The following ZNF217 variants were observed in gnomAD, a reference collection of about 807,000 sequenced individuals.
The protein encoded by ZNF217 is zinc finger protein 217.
ZNF217 carries 12 observed loss-of-function variants against 73.3 expected under a neutral mutation model. That is an observed-to-expected ratio of 0.16 (90% CI 0.10 to 0.27). The LOEUF is 0.27. Ranked by LOEUF, ZNF217 falls within the 10% of genes least tolerant of loss-of-function variation. ZNF217 has a pLI of 1.00. For synonymous variants in ZNF217, 588 were observed against 516.4 expected (o/e 1.14, Z -1.88); for missense variants, 1,195 against 1,327.8 (o/e 0.90, Z 1.55).
chr20:53,589,044 T>C (rs1988795353), intron 1 of ZNF217, among the ~76,000 whole-genome samples: 1 of 152,242 alleles, frequency 6.6e-6, no homozygotes, highest in Non-Finnish European at 1.5e-5. Context: ...CTCCTAACGC[T>C]GATTCAAGAA....
At position 53,577,045 on chromosome 20, in the gene ZNF217, T is replaced by G. The variant is rs1257521424; in HGVS notation, c.1719A>C (p.Ala573=). 2 of 1,614,138 alleles carry G rather than the reference T, an allele frequency of 1.2e-6. No homozygotes were observed. Among genetic ancestry groups the G allele is most frequent in the African/African-American group, 2.7e-5 (2 of 74,948 alleles). ...CAGAAGGCATCTCCTTAAGCTGCTTTGCAGGTGGACTGCCTGTAACATCTT... is the reference window on the plus strand; with the variant it reads ...CAGAAGGCATCTCCTTAAGCTGCTTGGCAGGTGGACTGCCTGTAACATCTT... The part of the protein sequence containing the change: ...GAKDVTGSPP[A]KQLKEMPSVF... The change falls in exon 4 of 6, where the codon GCA becomes GCC. Residue 573 remains alanine (A), a synonymous_variant. Coordinates refer to ENST00000371471, the MANE Select transcript of ZNF217 (RefSeq NM_006526.3).
upstream of ZNF217, among the ~76,000 whole-genome samples, chr20:53,597,097 G>A (rs73141999): frequency 0.016 from 1,618 of 101,656 alleles, 6 homozygotes; most frequent in Middle Eastern, 0.03. Flanking sequence ...AAAAAAAAAA[G>A]AAAAAAAAAA....
chr20:53,594,926 T>C (rs1383287282), upstream of ZNF217, among the ~76,000 whole-genome samples: 1 of 151,796 alleles, frequency 6.6e-6, no homozygotes, highest in Non-Finnish European at 1.5e-5. Flanking sequence ...TTTTTTTTTT[T>C]CTGAAAGGGC....
intron 1 of ZNF217, 89 bp downstream of exon 1, chr20:53,593,667 G>C (rs1370900206): frequency 6.6e-6 from 1 of 151,282 alleles, no homozygotes; most frequent in Non-Finnish European, 1.5e-5. Context: ...AAGACAACGA[G>C]AGCCGGGCGC....
chr20:53,586,725 G>A (rs1371896189), intron 1 of ZNF217, among the ~76,000 whole-genome samples: 3 of 152,196 alleles, frequency 2.0e-5, no homozygotes, highest in Admixed American at 6.5e-5. Flanking sequence ...ACAGAATACA[G>A]CAAAATAGAA....
chr20:53,588,833 T>G (rs1988789351), intron 1 of ZNF217, among the ~76,000 whole-genome samples: 1 of 152,200 alleles, frequency 6.6e-6, no homozygotes, highest in African/African-American at 2.4e-5. Flanking sequence ...AAGTTGTATA[T>G]CTGGCTCTTT....
Position 53,577,050 on chromosome 20 carries a change from G to A in ZNF217, c.1714C>T (p.Pro572Ser), listed in dbSNP as rs773385762. The A allele has an allele frequency of 6.2e-7, 1 of 1,614,212 alleles. No individual in the cohort carries two copies. The highest frequency in any genetic ancestry group is 1.3e-5 in the African/African-American group (1 of 75,068). ...DGAKDVTGSP[P>S]AKQLKEMPSV... ...GGCATCTCCTTAAGCTGCTTTGCAG[G>A]TGGACTGCCTGTAACATCTTTGGCA... is the stretch of plus-strand genomic sequence containing the variant. Residue 572 changes from proline to serine, a missense_variant, in exon 4 of 6, where the codon CCT (proline) becomes TCT (serine). Transcript: ENST00000371471.
chr20:53,588,583 C>T (rs1008354003), intron 1 of ZNF217, among the ~76,000 whole-genome samples: 2 of 130,902 alleles, frequency 1.5e-5, no homozygotes, highest in Non-Finnish European at 3.2e-5. Flanking sequence ...CGTGTGTATA[C>T]ACACATCTAT....
chr20:53,576,823 A>T lies in ZNF217; in HGVS notation c.1941T>A (p.Val647=), dbSNP rs138465815. The T allele has an allele frequency of 3.7e-6, 6 of 1,614,180 alleles. No homozygotes were observed. In the Admixed American group the frequency reaches 1.0e-4, roughly 27 times the overall value. ...NNLICRTKAD[V]TPPPDGSTTH... The stretch of plus-strand genomic sequence containing the variant: ...TGGTACTGCCATCCGGAGGAGGAGT[A>T]ACATCCGCCTTGGTTCTACAGATGA... The change falls in exon 4 of 6, where the codon GTT becomes GTA. Residue 647 remains valine (V), a synonymous_variant. Coordinates refer to ENST00000371471, the MANE Select transcript of ZNF217 (RefSeq NM_006526.3).
rs1988224216 is a variant in ZNF217, at chr20:53,575,648, C to T, written c.3037+79G>A. The T allele has an allele frequency of 4.4e-6, 6 of 1,371,518 alleles. 1 individual carries two copies. Among genetic ancestry groups the T allele is most frequent in the Non-Finnish European group, 5.8e-6 (6 of 1,032,518 alleles). The allele number at this position is 1,371,518 out of a possible 1,614,324, so 85.0% of individuals were successfully genotyped here. A position where few individuals can be genotyped will look rare whatever the true frequency, so the allele number is the denominator to read the frequency against. ...CTACCCCCCACCCTTGGGAGTGGTA[C>T]CATCTCCACTGAGAATGCCTGGATT... On this transcript the variant is annotated intron_variant, in intron 4 of 5. Coordinates refer to ENST00000371471, the MANE Select transcript of ZNF217 (RefSeq NM_006526.3).
chr20:53,582,557 A>C lies in ZNF217; in HGVS notation c.270T>G (p.Pro90=). The C allele has an allele frequency of 6.2e-7, 1 of 1,614,234 alleles. No individual in the cohort carries two copies. The part of the protein sequence containing the change: ...LNKHVLMQHR[P]TLCEPAVLRV... The stretch of plus-strand genomic sequence containing the variant: ...GAAGAACTGCTGGTTCACAGAGGGT[A>C]GGCCGGTGTTGCATTAAGACATGTT... The change falls in exon 2 of 6, where the codon CCT becomes CCG. Residue 90 remains proline (P), a synonymous_variant. Coordinates refer to ENST00000371471, the MANE Select transcript of ZNF217 (RefSeq NM_006526.3). This position sits in a 1 kb window ranked among gnomAD's most constrained non-coding sequence, Gnocchi z 4.8.
chr20:53,593,006 A>T (rs1442822734), intron 1 of ZNF217, among the ~76,000 whole-genome samples: 2 of 152,006 alleles, frequency 1.3e-5, no homozygotes, highest in African/African-American at 2.4e-5. Flanking sequence ...ATTAAGACTT[A>T]AAAAAATCTT....
At chr20:53,577,387 CG>C in intron 3 of ZNF217, 107 bp from the exon 4 acceptor site, 1 of 976,384 alleles carries the variant, frequency 1.0e-6, no homozygotes, top group Admixed American at 2.9e-5. Flanking sequence ...TTTGCTTTCT[CG>C]ATCTACTATC....
chr20:53,592,837 A>T (rs1414222831), intron 1 of ZNF217, among the ~76,000 whole-genome samples: 1 of 130,452 alleles, frequency 7.7e-6, no homozygotes, highest in Non-Finnish European at 1.6e-5. Flanking sequence ...AACTTCCCTT[A>T]AAAAAAAAAA....
chr20:53,571,990 G>A (rs1423082567), intron 4 of ZNF217, 137 bp from the exon 5 acceptor site: 2 of 785,994 alleles, frequency 2.5e-6, no homozygotes, highest in Non-Finnish European at 3.7e-6. Context: ...TCGCATGCAA[G>A]TGTTTTCAGT....
At chr20:53,595,578 C>CT (rs1281137589), upstream of ZNF217, among the ~76,000 whole-genome samples, 1 of 152,090 alleles carries the variant, frequency 6.6e-6, no homozygotes, top group South Asian at 2.1e-4. Flanking sequence ...TCTGGTTAGT[C>CT]TTTTTTAAAA....
At position 53,567,820 on chromosome 20, in the gene ZNF217, C is replaced by T. The variant is rs1432299861; in HGVS notation, c.*1468G>A. The T allele has an allele frequency of 1.3e-5, 2 of 152,122 alleles. No homozygotes were observed. Among genetic ancestry groups the T allele is most frequent in the Non-Finnish European group, 1.5e-5 (1 of 67,976 alleles). 9.4% of individuals were successfully genotyped at this position (152,122 alleles called of 1,614,324 possible). ...GACTTCTATCAAGGAGGACATCTTA[C>T]GTTGCATAATTTAAAAAAAAAAAAT... On this transcript the variant is annotated 3_prime_UTR_variant, in exon 6 of 6. Transcript: ENST00000371471.
chr20:53,597,675 G>A (rs1989065399), upstream of ZNF217: 1 of 151,666 alleles, frequency 6.6e-6, no homozygotes. Context: ...AACTCTGTAG[G>A]ACTTCACTCT....
At position 53,582,573 on chromosome 20, in the gene ZNF217, A is replaced by G. The variant is rs201521105; in HGVS notation, c.254T>C (p.Leu85Ser). 1 of 1,614,208 alleles carries G rather than the reference A, an allele frequency of 6.2e-7. No homozygotes were observed. Among genetic ancestry groups the G allele is most frequent in the Admixed American group, 1.7e-5 (1 of 60,022 alleles). ...THSEDLNKHVLMQHRPTLCEP... is the reference protein window; with the variant it reads ...THSEDLNKHVSMQHRPTLCEP... The stretch of plus-strand genomic sequence containing the variant: ...ACAGAGGGTAGGCCGGTGTTGCATT[A>G]AGACATGTTTATTAAGGTCTTCTGA... Residue 85 changes from leucine (L) to serine (S), a missense_variant, in exon 2 of 6, where the codon TTA becomes TCA. Transcript: ENST00000371471. The surrounding 1 kb of genome is among the most constrained non-coding windows in gnomAD (Gnocchi z 4.8).
Sources: allele counts gnomAD v4.1 joint callset (sites outside exome capture counted in the v4.1 genomes callset), GRCh38; gene constraint gnomAD v4.1.1; non-coding constraint Gnocchi (gnomAD v3.1); transcripts MANE v1.5; gene names NCBI Gene and HGNC (gene_info 2026-07-23, HGNC 2026-07-21).